The following METTL15 variants were observed in gnomAD, a reference collection of about 807,000 sequenced individuals.
METTL15 encodes the protein methyltransferase 15, mitochondrial 12S rRNA N4-cytidine.
In METTL15, 34 loss-of-function variants were observed where a neutral mutation model predicts 38.3. The ratio of observed to expected loss-of-function variants is 0.89; its 90% CI spans 0.68 to 1.18. The LOEUF is 1.18. Among genes scored for constraint, METTL15 ranks in the 50% most tolerant of loss-of-function variants. The pLI is 0.00. For missense variants in METTL15, 438 were observed against 498.4 expected (o/e 0.88, Z 1.15); for synonymous variants, 162 against 170.9 (o/e 0.95, Z 0.41).
intron 6 of METTL15, among the ~76,000 whole-genome samples, chr11:28,325,331 T>TA (rs1565256548): frequency 6.6e-6 from 1 of 152,208 alleles, no homozygotes. Flanking sequence ...CCATGTTCCT[T>TA]AAACTCCACC....
chr11:28,159,312 G>C (rs1309929175), intron 3 of METTL15, among the ~76,000 whole-genome samples: 1 of 152,032 alleles, frequency 6.6e-6, no homozygotes, highest in Non-Finnish European at 1.5e-5. Context: ...TGGAATACAG[G>C]AGATCCATTA....
At chr11:28,426,877 C>T (rs1850870358) in intron 6 of METTL15, among the ~76,000 whole-genome samples, 1 of 151,730 alleles carries the variant, frequency 6.6e-6, no homozygotes, top group African/African-American at 2.4e-5. Flanking sequence ...AATTTTTTCT[C>T]ATTCTGTAGG....
intron 3 of METTL15, among the ~76,000 whole-genome samples, chr11:28,176,216 C>T (rs1041902879): frequency 6.6e-6 from 1 of 151,962 alleles, no homozygotes; most frequent in African/African-American, 2.4e-5. Context: ...AAAAAAATTT[C>T]TCCTGTAATC....
chr11:28,400,410 G>A (rs1448864259), intron 5 of METTL15, among the ~76,000 whole-genome samples: 1 of 151,936 alleles, frequency 6.6e-6, no homozygotes, highest in Non-Finnish European at 1.5e-5. Context: ...CCACTCAGAT[G>A]TGAACCATAG....
chr11:28,162,494 A>G (rs939553570), intron 3 of METTL15, among the ~76,000 whole-genome samples: 1 of 152,158 alleles, frequency 6.6e-6, no homozygotes, highest in African/African-American at 2.4e-5. Flanking sequence ...GAAATTTTCA[A>G]TATGCTTTTT....
intron 4 of METTL15, among the ~76,000 whole-genome samples, chr11:28,215,512 C>A (rs1590170524): frequency 6.6e-6 from 1 of 151,822 alleles, no homozygotes; most frequent in Admixed American, 6.6e-5. Context: ...GCTTCTTAGG[C>A]CTTCACTTGG....
chr11:28,486,330 T>C (rs1851439182), intron 6 of METTL15, among the ~76,000 whole-genome samples: 1 of 152,036 alleles, frequency 6.6e-6, no homozygotes, highest in South Asian at 2.1e-4. Flanking sequence ...GGAGACCTCT[T>C]GGATCAGGCT....
chr11:28,210,911 A>G (rs940716229), intron 3 of METTL15, 151 bp from the exon 4 acceptor site: 2 of 817,048 alleles, frequency 2.4e-6, no homozygotes, highest in African/African-American at 3.5e-5. Context: ...TCTCACATGT[A>G]ACAAATTCAA....
intron 5 of METTL15, among the ~76,000 whole-genome samples, chr11:28,294,406 G>A (rs1856650056): frequency 6.6e-6 from 1 of 152,178 alleles, no homozygotes; most frequent in South Asian, 2.1e-4. Context: ...GAAGACGGAT[G>A]CAAGAGACTT....
chr11:28,216,390 A>G (rs992369823), intron 4 of METTL15, among the ~76,000 whole-genome samples: 1 of 152,158 alleles, frequency 6.6e-6, no homozygotes, highest in African/African-American at 2.4e-5. Context: ...GTGCATAATT[A>G]AAAAATGATG....
At chr11:28,142,067 A>G (rs1208885261) in intron 3 of METTL15, among the ~76,000 whole-genome samples, 1 of 152,214 alleles carries the variant, frequency 6.6e-6, no homozygotes, top group East Asian at 1.9e-4. Flanking sequence ...AGGCAGTTTT[A>G]CTGTTATGGG....
chr11:28,327,753 A>C (rs1197423612), intron 6 of METTL15: 5 of 203,592 alleles, frequency 2.5e-5, no homozygotes, highest in South Asian at 1.8e-4. Context: ...TTAGAACTAC[A>C]TGGTTATTTC....
chr11:28,258,868 C>A (rs916231604), intron 4 of METTL15, among the ~76,000 whole-genome samples: 1 of 152,114 alleles, frequency 6.6e-6, no homozygotes, highest in African/African-American at 2.4e-5. Context: ...CTACTCTGCC[C>A]TCCTGTGGCT....
intron 3 of METTL15, among the ~76,000 whole-genome samples, chr11:28,347,689 G>A (rs180685030): frequency 3.9e-5 from 6 of 152,256 alleles, no homozygotes; most frequent in South Asian, 2.1e-4. Flanking sequence ...TGCAGCTACC[G>A]TCTTTCTGTG....
chr11:28,460,707 T>C (rs1490887232), intron 6 of METTL15, among the ~76,000 whole-genome samples: 1 of 152,062 alleles, frequency 6.6e-6, no homozygotes, highest in Non-Finnish European at 1.5e-5. Flanking sequence ...CACATGGAGA[T>C]GTGTTTACAA....
chr11:28,179,715 A>C (rs1280913567), intron 3 of METTL15, among the ~76,000 whole-genome samples: 1 of 151,814 alleles, frequency 6.6e-6, no homozygotes, highest in African/African-American at 2.4e-5. Context: ...TTATGAATAA[A>C]GCTCATATGA....
chr11:28,262,937 T>C (rs973123238), intron 4 of METTL15, among the ~76,000 whole-genome samples: 1 of 152,278 alleles, frequency 6.6e-6, no homozygotes, highest in East Asian at 1.9e-4. Flanking sequence ...AATGTTTTTA[T>C]AGATCTTGAG....
At chr11:28,486,225 G>C (rs1851438312) in intron 6 of METTL15, among the ~76,000 whole-genome samples, 1 of 152,078 alleles carries the variant, frequency 6.6e-6, no homozygotes, top group African/African-American at 2.4e-5. Flanking sequence ...CCCAGAAACT[G>C]TGATTCCTGG....
At chr11:28,179,073 TTAAA>T (rs1335593286) in intron 3 of METTL15, among the ~76,000 whole-genome samples, 6 of 151,738 alleles carry the variant, frequency 4.0e-5, no homozygotes, top group Admixed American at 6.6e-5. Flanking sequence ...CCTCTCTGAT[TTAAA>T]TAGAGAGAGA....
Sources: gnomAD v4.1 joint callset for allele counts (sites outside exome capture counted in the v4.1 genomes callset) on GRCh38, gnomAD v4.1.1 for gene constraint, MANE v1.5 for transcripts, NCBI Gene and HGNC (gene_info 2026-07-23, HGNC 2026-07-21) for gene names.